Variants in TPRX1 observed in about 807,000 individuals in gnomAD.
TPRX1 encodes tetra-peptide repeat homeobox protein 1.
A neutral mutation model predicts 8.1 loss-of-function variants in TPRX1; 2 were observed. The ratio of observed to expected loss-of-function variants is 0.25; its 90% CI spans 0.10 to 0.78. The LOEUF is 0.78. TPRX1 is among the 30% of genes least tolerant of loss of function. TPRX1 has a pLI of 0.70. For missense variants in TPRX1, 517 were observed against 586.9 expected (o/e 0.88, Z 1.23); for synonymous variants, 257 against 254.1 (o/e 1.01, Z -0.11).
intron 1 of TPRX1, among the ~76,000 whole-genome samples, chr19:47,818,733 A>C (rs758724462): frequency 1.3e-5 from 2 of 152,170 alleles, no homozygotes; most frequent in Non-Finnish European, 2.9e-5. Flanking sequence ...CTGTCCCCAG[A>C]ATTTAACCCC....
At chr19:47,802,130 C>T (rs764679465) in exon 4 of TPRX1, 5 of 1,582,154 alleles carry the variant, frequency 3.2e-6, no homozygotes, top group East Asian at 2.2e-5. Context: ...GCCAGGGCTT[C>T]GCATCCGGCC....
At chr19:47,815,153 TATA>T (rs1568617423) in intron 2 of TPRX1, among the ~76,000 whole-genome samples, 113 of 84,842 alleles carry the variant, frequency 1.3e-3, no homozygotes, top group African/African-American at 5.3e-3. Context: ...TGCAAATATA[TATA>T]TATATATTTT....
At chr19:47,812,521 G>A (rs1452099910) in intron 2 of TPRX1, among the ~76,000 whole-genome samples, 1 of 151,812 alleles carries the variant, frequency 6.6e-6, no homozygotes, top group East Asian at 2.0e-4. Context: ...ATCAATTGAG[G>A]TGAGGGGTTC....
chr19:47,814,879 A>G (rs1285409243), intron 2 of TPRX1, among the ~76,000 whole-genome samples: 1 of 151,866 alleles, frequency 6.6e-6, no homozygotes, highest in Non-Finnish European at 1.5e-5. Context: ...GGCTCACTGC[A>G]ACCTCTGCCT....
chr19:47,807,938 A>AT (rs1053041608), intron 2 of TPRX1, among the ~76,000 whole-genome samples: 2 of 151,320 alleles, frequency 1.3e-5, no homozygotes, highest in Admixed American at 6.6e-5. Flanking sequence ...TGACTCAATG[A>AT]TTTTTTTTGA....
chr19:47,816,616 A>T (rs970650206), intron 2 of TPRX1, among the ~76,000 whole-genome samples: 18 of 147,106 alleles, frequency 1.2e-4, no homozygotes, highest in East Asian at 4.1e-4. Flanking sequence ...CACTGCAAGC[A>T]ACGCCTCCCA....
At chr19:47,805,036 C>T (rs779574660) in intron 2 of TPRX1, among the ~76,000 whole-genome samples, 172 of 152,334 alleles carry the variant, frequency 1.1e-3, no homozygotes, top group African/African-American at 3.6e-3. Flanking sequence ...CTTGCAACCT[C>T]CTCTTTGGTA....
intron 2 of TPRX1, among the ~76,000 whole-genome samples, chr19:47,817,854 C>G (rs1040508362): frequency 1.3e-5 from 2 of 152,230 alleles, no homozygotes; most frequent in Non-Finnish European, 2.9e-5. Context: ...AAGACCCTCC[C>G]GACTCAGCCA....
chr19:47,802,739 G>A, exon 4 of TPRX1: 1 of 1,602,650 alleles, frequency 6.2e-7, no homozygotes, highest in East Asian at 2.2e-5. Flanking sequence ...TGGACTCAGG[G>A]CAGCTGGGAT....
chr19:47,818,000 G>A (rs1967860061), intron 2 of TPRX1, among the ~76,000 whole-genome samples: 1 of 152,192 alleles, frequency 6.6e-6, no homozygotes, highest in Admixed American at 6.5e-5. Flanking sequence ...AGGGATTCAT[G>A]GCACAGTTAG....
chr19:47,801,909 C>T, exon 4 of TPRX1: 1 of 1,614,150 alleles, frequency 6.2e-7, no homozygotes, highest in Admixed American at 1.7e-5. Context: ...ATGGTGGAGA[C>T]TGAGGATCCC....
exon 4 of TPRX1, chr19:47,801,817 C>T (rs769056054): frequency 1.9e-6 from 3 of 1,613,994 alleles, no homozygotes; most frequent in Non-Finnish European, 2.5e-6. Context: ...GATTTTCATT[C>T]ACAGAGCCAC....
intron 2 of TPRX1, among the ~76,000 whole-genome samples, chr19:47,803,957 C>T (rs999436125): frequency 1.3e-5 from 2 of 151,932 alleles, no homozygotes; most frequent in East Asian, 1.9e-4. Flanking sequence ...CCAGCTGCCC[C>T]GTCCCCTCCC....
At chr19:47,807,058 C>A (rs145839128) in intron 2 of TPRX1, among the ~76,000 whole-genome samples, 365 of 152,164 alleles carry the variant, frequency 2.4e-3, no homozygotes, top group African/African-American at 8.5e-3. Context: ...GCATGCACCA[C>A]CACGCCCAGC....
At chr19:47,811,085 C>T (rs1469471629) in intron 2 of TPRX1, among the ~76,000 whole-genome samples, 1 of 151,160 alleles carries the variant, frequency 6.6e-6, no homozygotes, top group Non-Finnish European at 1.5e-5. Context: ...GTCACTGCAA[C>T]TTCTGCCTCC....
chr19:47,801,836 T>C, exon 4 of TPRX1: 1 of 1,614,126 alleles, frequency 6.2e-7, no homozygotes, highest in Non-Finnish European at 8.5e-7. Context: ...ACCCTCCTCT[T>C]GGGGCTGAGA....
At chr19:47,818,547 G>T in intron 1 of TPRX1, 1 of 456,036 alleles carries the variant, frequency 2.2e-6, no homozygotes, top group Non-Finnish European at 4.4e-6. Flanking sequence ...TCCTGACAAG[G>T]GCAGACAAGA....
chr19:47,815,131 T>TATGCAAATATATATATATATGCAA (rs1555800036), intron 2 of TPRX1, among the ~76,000 whole-genome samples: 2 of 111,494 alleles, frequency 1.8e-5, no homozygotes, highest in African/African-American at 7.4e-5. Context: ...TATATATATA[T>TATGCAAATATATATATATATGCAA]ATATATATAT....
At chr19:47,811,766 G>C (rs1290239862) in intron 2 of TPRX1, among the ~76,000 whole-genome samples, 1 of 151,598 alleles carries the variant, frequency 6.6e-6, no homozygotes, top group African/African-American at 2.4e-5. Flanking sequence ...CAAAGTGCTG[G>C]GATTACAGGC....
Sources: gnomAD v4.1 joint callset for allele counts (sites outside exome capture counted in the v4.1 genomes callset) on GRCh38, gnomAD v4.1.1 for gene constraint, MANE v1.5 for transcripts, NCBI Gene and HGNC (gene_info 2026-07-23, HGNC 2026-07-21) for gene names.